SERPINB4: variants seen among roughly 807,000 people sequenced by gnomAD.
SERPINB4 encodes the protein serpin B4.
Under a neutral mutation model 33.2 loss-of-function variants are expected in SERPINB4, and 39 were observed. That is an observed-to-expected ratio of 1.18 (90% CI 0.91 to 1.53). The LOEUF (loss-of-function observed/expected upper bound fraction) is 1.53. Ranked by LOEUF, SERPINB4 falls within the 40% of genes most tolerant of loss-of-function variation. The probability of loss-of-function intolerance (pLI) is 0.00; values close to 1 mark genes in which losing one functional copy is unlikely to be tolerated. For missense variants in SERPINB4, 564 were observed against 455.4 expected (o/e 1.24, Z -2.17); for synonymous variants, 191 against 166.4 (o/e 1.15, Z -1.14).
rs926805350 is a variant in SERPINB4 at position 63,641,976 on chromosome 18, T to G, written c.223-88A>C. 4.4e-6 allele frequency: 7 copies of G among 1,575,970 alleles called. No individual in the cohort carries two copies. The African/African-American group carries it at 6.7e-5, about 15-fold the overall frequency. On this transcript the variant is annotated intron_variant, in intron 3 of 7. Transcript: ENST00000341074. ...TAAGTCTGTTAGATCAGTCCCTAAA[T>G]GCTGGTAGTCTCATTGAGGACCTTT...
chr18:63,642,496 C>G (rs562386163), intron 3 of SERPINB4, among the ~76,000 whole-genome samples: 1 of 152,058 alleles, frequency 6.6e-6, no homozygotes, highest in Non-Finnish European at 1.5e-5. Context: ...GGAAAAAAAC[C>G]CTGTTTATAG....
chr18:63,639,088 G>A, intron 7 of SERPINB4, 97 bp downstream of exon 7: 1 of 1,358,928 alleles, frequency 7.4e-7, no homozygotes, highest in Non-Finnish European at 9.7e-7. Flanking sequence ...TCATCATTTT[G>A]AGGCAACTCG....
chr18:63,637,878 C>G lies in SERPINB4; in HGVS notation c.1014G>C (p.Glu338Asp). 3 of 1,613,570 alleles carry G rather than the reference C, an allele frequency of 1.9e-6. No homozygotes were observed. The highest frequency in any genetic ancestry group is 2.5e-6 in the Non-Finnish European group (3 of 1,179,728). Reference protein sequence around the residue: ...VLHKAFVEVTEEGVEAAAATA... With the variant: ...VLHKAFVEVTDEGVEAAAATA... ...TGGCAGCTGCAGCTTCCACTCCCTCCTCAGTGACCTCCACAAAGGCCTTGT... is the reference window on the plus strand; with the variant it reads ...TGGCAGCTGCAGCTTCCACTCCCTCGTCAGTGACCTCCACAAAGGCCTTGT... The change falls in exon 8 of 8, where the codon GAG (glutamate) becomes GAC (aspartate). Residue 338 changes from glutamate (E) to aspartate (D), a missense_variant. Transcript: ENST00000341074.
chr18:63,639,098 G>A (rs1057293775), intron 7 of SERPINB4, 87 bp downstream of exon 7: 6 of 1,390,484 alleles, frequency 4.3e-6, no homozygotes, highest in Admixed American at 2.4e-5. Context: ...GAGGCAACTC[G>A]GTCATAAGCT....
At chr18:63,639,527 G>T in intron 6 of SERPINB4, 107 bp downstream of exon 6, 1 of 1,021,776 alleles carries the variant, frequency 9.8e-7, no homozygotes, top group Non-Finnish European at 1.4e-6. Flanking sequence ...CAAAATAACA[G>T]ACATGAACAA....
chr18:63,642,137 C>T (rs545096628), intron 3 of SERPINB4, among the ~76,000 whole-genome samples: 20 of 152,238 alleles, frequency 1.3e-4, no homozygotes, highest in African/African-American at 4.8e-4. Flanking sequence ...AGATGCAGCG[C>T]TGTCTACCAG....
Position 63,643,610 on chromosome 18 carries a change from A to G in SERPINB4, c.-26-7T>C, listed in dbSNP as rs756595518. ...TCGATGTGATCTGGAACTCCTGGAA[A>G]AGCATCAGATTCCTGTCAGAATGAC... On this transcript the variant is annotated splice_polypyrimidine_tract_variant and splice_region_variant and intron_variant, in intron 1 of 7. Transcript: ENST00000341074. 5.6e-6 allele frequency: 9 copies of G among 1,605,394 alleles called. No individual in the cohort carries two copies. The highest frequency in any genetic ancestry group is 7.7e-6 in the Non-Finnish European group (9 of 1,175,774).
At chr18:63,639,398 A>G in intron 6 of SERPINB4, 58 bp from the exon 7 acceptor site, 1 of 1,501,524 alleles carries the variant, frequency 6.7e-7, no homozygotes, top group Admixed American at 1.8e-5. Context: ...AAAAAAGATA[A>G]TATTATTGAG....
At chr18:63,639,409 A>G in intron 6 of SERPINB4, 69 bp from the exon 7 acceptor site, 1 of 1,407,800 alleles carries the variant, frequency 7.1e-7, no homozygotes, top group Admixed American at 2.0e-5. Context: ...TATTATTGAG[A>G]TAGCAACACA....
intron 3 of SERPINB4, chr18:63,642,894 A>G (rs180874907): frequency 1.3e-5 from 6 of 458,850 alleles, no homozygotes; most frequent in African/African-American, 7.8e-5. Context: ...CTTATTCATC[A>G]TTTGTGAAGA....
chr18:63,639,545 T>C lies in SERPINB4; in HGVS notation c.612+89A>G. The C allele has an allele frequency of 5.5e-6, 6 of 1,085,152 alleles. No individual in the cohort carries two copies. In the South Asian group the frequency reaches 1.0e-4, roughly 18 times the overall value. 67.2% of individuals were successfully genotyped at this position (1,085,152 alleles called of 1,614,324 possible). On this transcript the variant is annotated intron_variant, in intron 6 of 7. Transcript: ENST00000341074. ...AATAACAGACATGAACAATTTTTAT[T>C]TTTTACTTATCATGTTACATTCCAT...
Position 63,643,545 on chromosome 18 carries a change from G to C in SERPINB4, c.33C>G (p.Phe11Leu), listed in dbSNP as rs761654577. 1.2e-5 allele frequency: 19 copies of C among 1,613,598 alleles called. No homozygotes were observed. Among genetic ancestry groups the C allele is most frequent in the Non-Finnish European group, 1.6e-5 (19 of 1,179,652 alleles). Residue 11 changes from phenylalanine (F) to leucine (L), a missense_variant, in exon 2 of 8, where the codon TTC becomes TTG. Physicochemically the swap from Phe to Leu is conservative, Grantham distance 22. Coordinates refer to ENST00000341074, the MANE Select transcript of SERPINB4 (RefSeq NM_002974.4). MNSLSEANTKFMFDLFQQFRK... is the reference protein window; with the variant it reads MNSLSEANTKLMFDLFQQFRK... ...TGAACTGTTGGAACAGATCGAACAT[G>C]AACTTGGTGTTGGCTTCACTGAGTG...
At position 63,637,926 on chromosome 18, in the gene SERPINB4, A is replaced by G. The variant is rs1383450959; in HGVS notation, c.966T>C (p.Gly322=). The stretch of plus-strand genomic sequence containing the variant: ...TGTGTAGGACTTTAGATACTGAGAG[A>G]CCGTGGCTCCAGGTCATGCCTGAGA... ...ADLSGMTWSH[G]LSVSKVLHKA... is the part of the protein sequence containing the mutation. The change falls in exon 8 of 8, where the codon GGT becomes GGC. Residue 322 remains glycine (G), a synonymous_variant. Coordinates refer to ENST00000341074, the MANE Select transcript of SERPINB4 (RefSeq NM_002974.4). 1 of 1,613,592 alleles carries G rather than the reference A, an allele frequency of 6.2e-7. No homozygotes were observed. The highest frequency in any genetic ancestry group is 8.5e-7 in the Non-Finnish European group (1 of 1,179,750).
At position 63,637,882 on chromosome 18, in the gene SERPINB4, G is replaced by T; in HGVS notation, c.1010C>A (p.Thr337Asn). ...KVLHKAFVEV[T>N]EEGVEAAAAT... Reference sequence around the variant, plus strand: ...AGCTGCAGCTTCCACTCCCTCCTCAGTGACCTCCACAAAGGCCTTGTGTAG... The same window carrying T: ...AGCTGCAGCTTCCACTCCCTCCTCATTGACCTCCACAAAGGCCTTGTGTAG... The change falls in exon 8 of 8, where the codon ACT becomes AAT. Residue 337 changes from threonine to asparagine, a missense_variant. By Grantham distance (65) the Thr-to-Asn change is moderately conservative. Transcript: ENST00000341074. 1 of 1,613,548 alleles carries T rather than the reference G, an allele frequency of 6.2e-7. No individual in the cohort carries two copies. The highest frequency in any genetic ancestry group is 8.5e-7 in the Non-Finnish European group (1 of 1,179,710).
At position 63,639,702 on chromosome 18, in the gene SERPINB4, A is replaced by G. The variant is rs760112439; in HGVS notation, c.544T>C (p.Phe182Leu). 6.2e-7 allele frequency: 1 copy of G among 1,612,306 alleles called. No individual in the cohort carries two copies. ...AATTTATTCTCCCACTGCCCTTTGAAATAGATTGCGTTCACAAGAACCAGT... is the reference window on the plus strand; with the variant it reads ...AATTTATTCTCCCACTGCCCTTTGAGATAGATTGCGTTCACAAGAACCAGT... ...TTLVLVNAIY[F>L]KGQWENKFKK... The change falls in exon 6 of 8, where the codon TTC becomes CTC. Residue 182 changes from phenylalanine to leucine, a missense_variant. By Grantham distance (22) the Phe-to-Leu change is conservative. Transcript: ENST00000341074.
In SERPINB4 at chr18:63,638,471, A is replaced by G. The variant is rs555884546; in HGVS notation, c.769-348T>C. ...GTATGTATCACTATTTCTTGTGCCAACAGCCTACTACATGTGTCAATTTTT... is the reference window on the plus strand; with the variant it reads ...GTATGTATCACTATTTCTTGTGCCAGCAGCCTACTACATGTGTCAATTTTT... On this transcript the variant is annotated intron_variant, in intron 7 of 7. Transcript: ENST00000341074. 1.9e-4 allele frequency among the ~76,000 whole-genome samples: 29 copies of G among 152,104 alleles called. No individual in the cohort carries two copies. In the East Asian group the frequency reaches 5.4e-3, roughly 28 times the overall value.
chr18:63,643,733 T>TCTTTCTAC (rs1473629178), intron 1 of SERPINB4, 130 bp from the exon 2 acceptor site: 5 of 1,005,268 alleles, frequency 5.0e-6, no homozygotes, highest in Admixed American at 5.0e-5. Flanking sequence ...CTCTTATTTT[T>TCTTTCTAC]AACGCTTCAA....
intron 1 of SERPINB4, 30 bp from the exon 2 acceptor site, chr18:63,643,633 G>C: frequency 6.3e-7 from 1 of 1,578,778 alleles, no homozygotes; most frequent in Non-Finnish European, 8.6e-7. Context: ...CTGTCAGAAT[G>C]ACTTTAATAA....
Position 63,640,978 on chromosome 18 carries a change from G to T in SERPINB4, c.365C>A (p.Ala122Asp). The T allele has an allele frequency of 6.2e-7, 1 of 1,612,144 alleles. No homozygotes were observed. Among genetic ancestry groups the T allele is most frequent in the Middle Eastern group, 1.7e-4 (1 of 6,046 alleles). ...ACTGGTCTGGTAAAATTTCTTGATG[G>T]CATCTAAATATTCCTTTGAGATATG... ...TYQFLQEYLD[A>D]IKKFYQTSVE... The change falls in exon 5 of 8, where the codon GCC (alanine) becomes GAC (aspartate). Residue 122 changes from alanine (A) to aspartate (D), a missense_variant. By Grantham distance (126) the Ala-to-Asp change is moderately radical. Transcript: ENST00000341074.
Sources: gnomAD v4.1 joint callset for allele counts (sites outside exome capture counted in the v4.1 genomes callset) on GRCh38, gnomAD v4.1.1 for gene constraint, MANE v1.5 for transcripts, NCBI Gene and HGNC (gene_info 2026-07-23, HGNC 2026-07-21) for gene names.